RPS6KA3: variants seen among roughly 807,000 people sequenced by gnomAD.
RPS6KA3 encodes the protein ribosomal protein S6 kinase A3.
Under a neutral mutation model 67.2 loss-of-function variants are expected in RPS6KA3, and 4 were observed. That is an observed-to-expected ratio of 0.06 (90% CI 0.03 to 0.14). The LOEUF is 0.14. RPS6KA3 is among the 10% of genes least tolerant of loss of function. The pLI, the probability that RPS6KA3 is intolerant of heterozygous loss-of-function variation, is 1.00. For missense variants in RPS6KA3, 204 were observed against 559.0 expected, an observed-to-expected ratio of 0.36 and a Z score of 6.40; for synonymous variants, 182 against 183.7, an observed-to-expected ratio of 0.99 and a Z score of 0.07.
chrX:20,187,109 G>A (rs1340136905), intron 9 of RPS6KA3, among the ~76,000 whole-genome samples: 1 of 111,727 alleles, frequency 9.0e-6, no homozygotes, highest in Non-Finnish European at 1.9e-5. Flanking sequence ...TAGAAACGGG[G>A]TTTCACCATG....
At chrX:20,204,224 AT>A in intron 3 of RPS6KA3, 121 bp from the exon 4 acceptor site, 1 of 485,040 alleles carries the variant, frequency 2.1e-6, no homozygotes, top group Non-Finnish European at 3.6e-6. Flanking sequence ...ACTGTAGATT[AT>A]TTCCCCTAAA....
chrX:20,199,403 T>C (rs374742432), intron 4 of RPS6KA3, among the ~76,000 whole-genome samples: 1 of 110,793 alleles, frequency 9.0e-6, no homozygotes, highest in South Asian at 3.7e-4. Flanking sequence ...TTTAATGAAA[T>C]AATCAGAGAA....
At chrX:20,207,156 AG>A (rs1312670775) in intron 3 of RPS6KA3, among the ~76,000 whole-genome samples, 1 of 112,174 alleles carries the variant, frequency 8.9e-6, no homozygotes, top group African/African-American at 3.2e-5. Flanking sequence ...TCAATAGACC[AG>A]GAAGAAAGGT....
chrX:20,208,822 C>T (rs2148731138), intron 3 of RPS6KA3, among the ~76,000 whole-genome samples: 1 of 111,660 alleles, frequency 9.0e-6, no homozygotes, highest in East Asian at 2.8e-4. Flanking sequence ...ATTTTAAAGA[C>T]AAGCCAGGAG....
intron 10 of RPS6KA3, among the ~76,000 whole-genome samples, chrX:20,182,011 G>A (rs941063325): frequency 6.3e-5 from 7 of 111,764 alleles, no homozygotes; most frequent in African/African-American, 2.3e-4. Flanking sequence ...AGTGATGAAA[G>A]TTCAGTGAAC....
chrX:20,165,884 AC>A (rs2067424209), intron 17 of RPS6KA3, among the ~76,000 whole-genome samples: 1 of 110,637 alleles, frequency 9.0e-6, no homozygotes, highest in South Asian at 3.8e-4. Flanking sequence ...ATGTTTCAAG[AC>A]CCCCAGTGGA....
chrX:20,254,220 C>T (rs2069968495), intron 1 of RPS6KA3, among the ~76,000 whole-genome samples: 1 of 111,909 alleles, frequency 8.9e-6, no homozygotes, highest in Non-Finnish European at 1.9e-5. Context: ...TATTTAATTT[C>T]AGAGATTCTA....
intron 2 of RPS6KA3, among the ~76,000 whole-genome samples, chrX:20,226,822 C>A (rs2069133782): frequency 9.0e-6 from 1 of 111,376 alleles, no homozygotes; most frequent in Non-Finnish European, 1.9e-5. Context: ...TCTCTTGATT[C>A]ATCAATTTCA....
In RPS6KA3 at chrX:20,175,302, G is replaced by C. The variant is rs760222319; in HGVS notation, c.1103-14C>G. 2.5e-6 allele frequency: 3 copies of C among 1,207,361 alleles called. No homozygotes were observed. The East Asian group carries it at 8.9e-5, about 36-fold the overall frequency. On this transcript the variant is annotated splice_polypyrimidine_tract_variant and intron_variant, in intron 13 of 21. Transcript: ENST00000379565. ...TGCCAGGTGAATCTGAAAAGAGTAA[G>C]AAGTGACAAAGAAGATTCATTTGAA...
intron 15 of RPS6KA3, among the ~76,000 whole-genome samples, chrX:20,171,964 A>C (rs1216689202): frequency 1.8e-5 from 2 of 112,211 alleles, no homozygotes; most frequent in Non-Finnish European, 3.8e-5. Flanking sequence ...TCATCCTTCT[A>C]TCTGACAGAA....
At chrX:20,237,688 TG>T (rs1253160258) in intron 1 of RPS6KA3, among the ~76,000 whole-genome samples, 1 of 111,899 alleles carries the variant, frequency 8.9e-6, no homozygotes, top group Non-Finnish European at 1.9e-5. Context: ...GTTAAAGAGC[TG>T]TACCAATGCA....
intron 1 of RPS6KA3, among the ~76,000 whole-genome samples, chrX:20,255,068 A>T (rs1017824601): frequency 3.6e-5 from 4 of 112,636 alleles, no homozygotes; most frequent in African/African-American, 1.3e-4. Context: ...AATAGCCAAA[A>T]GGTAGAAACA....
At chrX:20,160,435 A>C (rs374768723) in intron 20 of RPS6KA3, among the ~76,000 whole-genome samples, 2 of 111,556 alleles carry the variant, frequency 1.8e-5, no homozygotes, top group African/African-American at 6.5e-5. Context: ...ATTTATTTTT[A>C]TTTATTTTTT....
intron 2 of RPS6KA3, 69 bp downstream of exon 2, chrX:20,234,689 C>G: frequency 1.3e-6 from 1 of 784,003 alleles, no homozygotes; most frequent in Non-Finnish European, 2.0e-6. Flanking sequence ...CTCTGCTCAG[C>G]TGAAAAATAA....
At chrX:20,257,702 C>T (rs1431964331) in intron 1 of RPS6KA3, among the ~76,000 whole-genome samples, 1 of 112,347 alleles carries the variant, frequency 8.9e-6, no homozygotes, top group Non-Finnish European at 1.9e-5. Context: ...AATTACCATA[C>T]AGTAATTTAT....
In RPS6KA3 at chrX:20,167,883, ACT is replaced by A; in HGVS notation, c.1444-138_1444-137del. 3 of 479,993 alleles carry A rather than the reference ACT, an allele frequency of 6.3e-6. No homozygotes were observed. The South Asian group carries it at 9.5e-5, about 15-fold the overall frequency. The allele number at this position is 479,993 out of a possible 1,213,427, so 39.6% of individuals were successfully genotyped here. Reference sequence around the variant, plus strand: ...TATTTATTTATTTATTTTGAGACAGACTCTGTCGCCCAGGAGTGCACTGGCAC... The same window carrying A: ...TATTTATTTATTTATTTTGAGACAGACTGTCGCCCAGGAGTGCACTGGCAC... On this transcript the variant is annotated intron_variant, in intron 16 of 21. Transcript: ENST00000379565.
intron 1 of RPS6KA3, among the ~76,000 whole-genome samples, chrX:20,261,249 G>T (rs1311076658): frequency 9.0e-6 from 1 of 111,307 alleles, no homozygotes; most frequent in South Asian, 3.7e-4. Flanking sequence ...GAGTAGAGTA[G>T]GGTGACTATA....
chrX:20,226,242 G>A (rs947793853), intron 2 of RPS6KA3, among the ~76,000 whole-genome samples: 1 of 111,599 alleles, frequency 9.0e-6, no homozygotes, highest in Non-Finnish European at 1.9e-5. Context: ...AGATAGCAGG[G>A]CAAATAACAA....
At chrX:20,186,224 G>A (rs1346707496) in intron 10 of RPS6KA3, 72 bp downstream of exon 10, 3 of 736,126 alleles carry the variant, frequency 4.1e-6, no homozygotes, top group African/African-American at 4.2e-5. Context: ...TTACAGGCAT[G>A]AGCCACAGCG....
Sources: gnomAD v4.1 joint callset for allele counts (sites outside exome capture counted in the v4.1 genomes callset) on GRCh38, gnomAD v4.1.1 for gene constraint, MANE v1.5 for transcripts, NCBI Gene and HGNC (gene_info 2026-07-23, HGNC 2026-07-21) for gene names.